Variants in AOX1 observed in about 807,000 individuals in gnomAD.
AOX1 encodes the protein aldehyde oxidase.
Under a neutral mutation model 169.5 loss-of-function variants are expected in AOX1, and 153 were observed. The observed-to-expected ratio is 0.90, with a 90% CI of 0.79 to 1.03. The LOEUF (loss-of-function observed/expected upper bound fraction) is 1.03. AOX1 is among the 50% of genes least tolerant of loss of function. AOX1 has a pLI of 0.00. For missense variants in AOX1, 1,656 were observed against 1,663.9 expected, an observed-to-expected ratio of 1.00 and a Z score of 0.08; for synonymous variants, 562 against 581.9, an observed-to-expected ratio of 0.97 and a Z score of 0.49.
chr2:200,677,420 C>G (rs548727533), downstream of AOX1, among the ~76,000 whole-genome samples: 1 of 152,276 alleles, frequency 6.6e-6, no homozygotes, highest in South Asian at 2.1e-4. Flanking sequence ...TTTCTTGCAT[C>G]TCTCTCTTCC....
At position 200,612,943 on chromosome 2, in the gene AOX1, A is replaced by G. The variant is rs1315305200; in HGVS notation, c.1448+150A>G. Reference sequence around the variant, plus strand: ...CTGGGAATTCCAATAAGATTTTGTTATTATTTCCATATGTCTTGATGTTAG... The same window carrying G: ...CTGGGAATTCCAATAAGATTTTGTTGTTATTTCCATATGTCTTGATGTTAG... On this transcript the variant is annotated intron_variant, in intron 14 of 34. Transcript: ENST00000374700. The G allele has an allele frequency of 4.7e-6, 3 of 641,718 alleles. No homozygotes were observed. In the East Asian group the frequency reaches 8.5e-5, roughly 18 times the overall value. 39.8% of individuals were successfully genotyped at this position (641,718 alleles called of 1,614,324 possible). A position where few individuals can be genotyped will look rare whatever the true frequency, so the allele number is the denominator to read the frequency against.
chr2:200,587,587 TTGTC>T (rs1187984467), intron 1 of AOX1, among the ~76,000 whole-genome samples: 1 of 152,162 alleles, frequency 6.6e-6, no homozygotes, highest in African/African-American at 2.4e-5. Context: ...CTCAAAAACT[TTGTC>T]TGCCCCTGCT....
chr2:200,626,793 T>C (rs1574933539), intron 19 of AOX1, among the ~76,000 whole-genome samples: 1 of 152,242 alleles, frequency 6.6e-6, no homozygotes, highest in African/African-American at 2.4e-5. Context: ...TCTTTTCAAC[T>C]AGCAATTATT....
In AOX1 at chr2:200,613,946, T is replaced by A. The variant is rs139759783; in HGVS notation, c.1591T>A (p.Ser531Thr). 298 of 1,612,184 alleles carry A rather than the reference T, an allele frequency of 1.8e-4. 2 individuals are homozygous for A. The African/African-American group carries it at 3.5e-3, about 19-fold the overall frequency. ...SFLFKFYLEV[S>T]QILKKMDPVH... Reference sequence around the variant, plus strand: ...CCTCTTCAAGTTCTACCTGGAAGTGTCACAGATTTTGAAAAAGATGGTAAA... The same window carrying A: ...CCTCTTCAAGTTCTACCTGGAAGTGACACAGATTTTGAAAAAGATGGTAAA... The change falls in exon 15 of 35, where the codon TCA becomes ACA. Residue 531 changes from serine to threonine, a missense_variant. By Grantham distance (58) the Ser-to-Thr change is moderately conservative. Transcript: ENST00000374700.
At chr2:200,668,351 C>T (rs1574966816) in intron 32 of AOX1, among the ~76,000 whole-genome samples, 1 of 151,978 alleles carries the variant, frequency 6.6e-6, no homozygotes, top group Non-Finnish European at 1.5e-5. Flanking sequence ...TCAGGTGATC[C>T]GCCTGCCTCG....
intron 19 of AOX1, among the ~76,000 whole-genome samples, chr2:200,624,206 T>G (rs758632441): frequency 6.0e-4 from 91 of 152,318 alleles, no homozygotes; most frequent in Non-Finnish European, 1.1e-3. Flanking sequence ...ATTCCTGTGG[T>G]CACACAGATG....
At chr2:200,595,475 C>A in intron 3 of AOX1, 107 bp downstream of exon 3, 2 of 704,144 alleles carry the variant, frequency 2.8e-6, no homozygotes, top group Admixed American at 2.9e-5. Flanking sequence ...GTGAAAAGAA[C>A]TGGCCACTTG....
chr2:200,652,330 G>A (rs889123872), intron 26 of AOX1, among the ~76,000 whole-genome samples: 1 of 152,114 alleles, frequency 6.6e-6, no homozygotes, highest in African/African-American at 2.4e-5. Context: ...CTCATTCCTT[G>A]CCTGTTTGTG....
downstream of AOX1, among the ~76,000 whole-genome samples, chr2:200,674,904 G>A (rs907764768): frequency 1.3e-5 from 2 of 152,172 alleles, no homozygotes; most frequent in African/African-American, 4.8e-5. Flanking sequence ...CAAGATCTTA[G>A]CCATCACCAC....
At position 200,663,596 on chromosome 2, in the gene AOX1, T is replaced by TCTCTCTCC. The variant is rs141563329; in HGVS notation, c.3543+628_3543+629insTCTCTCCC. On this transcript the variant is annotated intron_variant, in intron 31 of 34. Coordinates refer to ENST00000374700, the MANE Select transcript of AOX1 (RefSeq NM_001159.4). ...CACTCTCTCTCTCTCTCTCTCTCTCTCCCCCTCTTTCTGTCTCTGTTGCTT... is the reference window on the plus strand; with the variant it reads ...CACTCTCTCTCTCTCTCTCTCTCTCTCTCTCTCCCCCCCTCTTTCTGTCTCTGTTGCTT... Among the ~76,000 whole-genome samples, 479 of 148,024 alleles carry TCTCTCTCC rather than the reference T, an allele frequency of 3.2e-3. 6 individuals carry two copies. The highest frequency in any genetic ancestry group is 0.011 in the African/African-American group (442 of 39,938).
chr2:200,592,245 A>G (rs1357982535), intron 1 of AOX1, among the ~76,000 whole-genome samples: 2 of 152,208 alleles, frequency 1.3e-5, no homozygotes, highest in Non-Finnish European at 2.9e-5. Flanking sequence ...GGCAATTGGC[A>G]TATGCCACAC....
intron 19 of AOX1, among the ~76,000 whole-genome samples, chr2:200,625,898 G>A (rs1186631983): frequency 2.6e-5 from 4 of 152,102 alleles, no homozygotes; most frequent in Non-Finnish European, 5.9e-5. Flanking sequence ...ATTTAATCTG[G>A]CACATGCTTT....
At chr2:200,587,462 G>T (rs1293663553) in intron 1 of AOX1, among the ~76,000 whole-genome samples, 3 of 152,188 alleles carry the variant, frequency 2.0e-5, no homozygotes, top group Non-Finnish European at 4.4e-5. Flanking sequence ...AAGCTAACCA[G>T]TGTGAAGCAC....
At chr2:200,666,965 A>G (rs1200465397) in intron 32 of AOX1, among the ~76,000 whole-genome samples, 3 of 152,224 alleles carry the variant, frequency 2.0e-5, no homozygotes, top group African/African-American at 7.2e-5. Context: ...GAAACATAAA[A>G]TCTGTGACTA....
rs765519366 is a variant in AOX1 at position 200,603,240 on chromosome 2, C to A, written c.499-27C>A. The A allele has an allele frequency of 2.5e-6, 4 of 1,577,086 alleles. No homozygotes were observed. In the South Asian group the frequency reaches 4.4e-5, roughly 17 times the overall value. The stretch of plus-strand genomic sequence containing the variant: ...TAGTTAGTAGAATCAGCAATAAATT[C>A]CTAGTGATTTGTTTTTTGTCCACTA... On this transcript the variant is annotated intron_variant, in intron 6 of 34. Coordinates refer to ENST00000374700, the MANE Select transcript of AOX1 (RefSeq NM_001159.4).
chr2:200,596,069 ACACT>A (rs1334567574), intron 3 of AOX1, among the ~76,000 whole-genome samples: 1 of 152,218 alleles, frequency 6.6e-6, no homozygotes, highest in African/African-American at 2.4e-5. Flanking sequence ...TCTGTGCCAC[ACACT>A]CTTCCCTCTG....
intron 32 of AOX1, among the ~76,000 whole-genome samples, chr2:200,668,102 T>C (rs2035954815): frequency 6.7e-6 from 1 of 148,818 alleles, no homozygotes; most frequent in African/African-American, 2.6e-5. Flanking sequence ...TTATTTATTA[T>C]TATTATTATT....
chr2:200,634,496 C>T (rs949538559), intron 20 of AOX1, among the ~76,000 whole-genome samples: 3 of 152,154 alleles, frequency 2.0e-5, no homozygotes, highest in African/African-American at 4.8e-5. Flanking sequence ...CTGCTAACAG[C>T]GCTGGCTCCT....
intron 21 of AOX1, among the ~76,000 whole-genome samples, 154 bp from the exon 22 acceptor site, chr2:200,636,757 A>G (rs1327583704): frequency 1.3e-5 from 2 of 152,250 alleles, no homozygotes; most frequent in Non-Finnish European, 2.9e-5. Flanking sequence ...CATGTGCAAC[A>G]TTAAAGAATC....
Sources: allele counts gnomAD v4.1 joint callset (sites outside exome capture counted in the v4.1 genomes callset), GRCh38; gene constraint gnomAD v4.1.1; transcripts MANE v1.5; gene names NCBI Gene and HGNC (gene_info 2026-07-23, HGNC 2026-07-21).